The following PLEKHH2 variants were observed in gnomAD, a reference collection of about 807,000 sequenced individuals.
PLEKHH2 encodes pleckstrin homology domain-containing family H member 2.
Under a neutral mutation model 187.9 loss-of-function variants are expected in PLEKHH2, and 129 were observed. The ratio of observed to expected loss-of-function variants is 0.69; its 90% CI spans 0.59 to 0.79. The LOEUF (loss-of-function observed/expected upper bound fraction) is 0.79, where lower values mean the gene tolerates loss of function less well. Among genes scored for constraint, PLEKHH2 ranks in the 30% least tolerant of loss-of-function variants. The pLI is 0.00. For synonymous variants in PLEKHH2, 686 were observed against 605.6 expected (o/e 1.13, Z -1.95); for missense variants, 2,076 against 1,751.2 (o/e 1.19, Z -3.31).
intron 19 of PLEKHH2, among the ~76,000 whole-genome samples, chr2:43,738,116 T>C (rs547351507): frequency 6.6e-6 from 1 of 152,326 alleles, no homozygotes; most frequent in Non-Finnish European, 1.5e-5. Context: ...CCCTTTATCA[T>C]TATAAAATGA....
intron 19 of PLEKHH2, among the ~76,000 whole-genome samples, chr2:43,735,875 C>T (rs1572640425): frequency 6.6e-6 from 1 of 152,082 alleles, no homozygotes; most frequent in African/African-American, 2.4e-5. Context: ...ACAAATTTAA[C>T]ATTTATAGAA....
intron 3 of PLEKHH2, among the ~76,000 whole-genome samples, chr2:43,685,534 C>T (rs567364897): frequency 3.9e-5 from 6 of 152,180 alleles, no homozygotes; most frequent in African/African-American, 1.4e-4. Context: ...CTCAAGCAAT[C>T]CTCCCACCTC....
At chr2:43,702,527 C>CCTTTTTTTTTTTTTTTT (rs1348565050) in intron 8 of PLEKHH2, among the ~76,000 whole-genome samples, 1 of 57,418 alleles carries the variant, frequency 1.7e-5, no homozygotes, top group Admixed American at 1.8e-4. Flanking sequence ...CATTCTACTA[C>CCTTTTTTTTTTTTTTTT]TTTTTTTTTT....
At chr2:43,688,045 C>A (rs1668613894) in intron 3 of PLEKHH2, among the ~76,000 whole-genome samples, 1 of 152,190 alleles carries the variant, frequency 6.6e-6, no homozygotes, top group South Asian at 2.1e-4. Context: ...AAGCTGTCCT[C>A]CCTCCTCGGC....
chr2:43,669,886 T>C (rs1667414103), intron 2 of PLEKHH2, among the ~76,000 whole-genome samples: 1 of 151,978 alleles, frequency 6.6e-6, no homozygotes, highest in Non-Finnish European at 1.5e-5. Context: ...AAACAATGAC[T>C]AGTATTGAAG....
intron 2 of PLEKHH2, among the ~76,000 whole-genome samples, chr2:43,654,762 C>T (rs1328530744): frequency 6.7e-6 from 1 of 149,308 alleles, no homozygotes; most frequent in East Asian, 2.2e-4. Context: ...CGTGGTGGCT[C>T]ACGCCTGTAA....
chr2:43,642,014 T>C (rs779361513), intron 1 of PLEKHH2, among the ~76,000 whole-genome samples: 1 of 152,322 alleles, frequency 6.6e-6, no homozygotes, highest in East Asian at 1.9e-4. Context: ...CTGCAAAAAA[T>C]GCAGTTGCAA....
At chr2:43,655,453 G>T (rs1453302464) in intron 2 of PLEKHH2, among the ~76,000 whole-genome samples, 1 of 152,096 alleles carries the variant, frequency 6.6e-6, no homozygotes, top group African/African-American at 2.4e-5. Context: ...TAGAAACTAG[G>T]CATTTTCTGG....
intron 2 of PLEKHH2, among the ~76,000 whole-genome samples, chr2:43,646,866 T>C (rs1479198108): frequency 6.6e-6 from 1 of 151,622 alleles, no homozygotes; most frequent in Non-Finnish European, 1.5e-5. Flanking sequence ...ATAAATTCTT[T>C]GGCAGATCTA....
intron 2 of PLEKHH2, among the ~76,000 whole-genome samples, chr2:43,657,372 G>C (rs1282362582): frequency 6.6e-6 from 1 of 152,126 alleles, no homozygotes; most frequent in African/African-American, 2.4e-5. Flanking sequence ...GCCTCAGCTG[G>C]GAGTGGTGAA....
In PLEKHH2 at chr2:43,744,024, C is replaced by T. The variant is rs201338608; in HGVS notation, c.3555+35C>T. 116 of 1,596,448 alleles carry T rather than the reference C, an allele frequency of 7.3e-5. 1 individual carries two copies. Among genetic ancestry groups the T allele is most frequent in the Middle Eastern group, 1.7e-4 (1 of 6,004 alleles). On this transcript the variant is annotated intron_variant, in intron 23 of 29. Transcript: ENST00000282406. The stretch of plus-strand genomic sequence containing the variant: ...AGTCCTTTTCAGGAGCCAAGCCCAA[C>T]GAACAGCAAAGAAGCTACTCTTTAC...
chr2:43,678,895 T>A lies in PLEKHH2; in HGVS notation c.156T>A (p.Ala52=), dbSNP rs180672226. The A allele has an allele frequency of 2.1e-5, 34 of 1,608,460 alleles. No individual in the cohort carries two copies. Among genetic ancestry groups the A allele is most frequent in the Non-Finnish European group, 2.7e-5 (32 of 1,176,312 alleles). Residue 52 remains alanine (A), a synonymous_variant, in exon 3 of 30, where the codon GCT becomes GCA. Transcript: ENST00000282406. ...MQQLERQVID[A]ERQAEKAFQQ... is the part of the protein sequence containing the mutation. ...AGCTTGAGAGACAAGTTATTGATGC[T>A]GAACGTCAAGCAGAAAAAGCTTTTC...
intron 2 of PLEKHH2, among the ~76,000 whole-genome samples, chr2:43,676,840 A>C (rs1338643292): frequency 2.6e-5 from 4 of 152,080 alleles, no homozygotes; most frequent in Non-Finnish European, 5.9e-5. Context: ...AGAATGTAAA[A>C]CTACCCAGAG....
chr2:43,648,984 T>C (rs1466917605), intron 2 of PLEKHH2, among the ~76,000 whole-genome samples: 2 of 152,372 alleles, frequency 1.3e-5, no homozygotes, highest in Non-Finnish European at 1.5e-5. Context: ...ATTTCAATTA[T>C]ATATGCCCTA....
chr2:43,706,415 G>C lies in PLEKHH2; in HGVS notation c.1820G>C (p.Gly607Ala). ...MTTPVYTTLK[G>A]KATQISSSPF... The stretch of plus-strand genomic sequence containing the variant: ...ACCCCAGTGTATACAACTTTGAAGG[G>C]GGTAACTCATTATTGTTATTGTTAA... Residue 607 changes from glycine to alanine, a missense_variant and splice_region_variant, in exon 10 of 30, where the codon GGG becomes GCG. Gly to Ala is a moderately conservative substitution (Grantham distance 60). Coordinates refer to ENST00000282406, the MANE Select transcript of PLEKHH2 (RefSeq NM_172069.4). 6.4e-7 allele frequency: 1 copy of C among 1,560,074 alleles called. No individual in the cohort carries two copies. Among genetic ancestry groups the C allele is most frequent in the Non-Finnish European group, 8.8e-7 (1 of 1,135,664 alleles).
At chr2:43,751,639 G>A (rs575127697) in intron 24 of PLEKHH2, among the ~76,000 whole-genome samples, 2 of 152,264 alleles carry the variant, frequency 1.3e-5, no homozygotes, top group South Asian at 4.2e-4. Flanking sequence ...ATACCCCCGC[G>A]AGCTAATCTA....
In PLEKHH2 at chr2:43,666,044, T is replaced by C. The variant is rs1056669479; in HGVS notation, c.124-12819T>C. On this transcript the variant is annotated intron_variant, in intron 2 of 29. Transcript: ENST00000282406. Reference sequence around the variant, plus strand: ...GCTGCTTTGTTTACCTAAGCAAGCCTGGGCAATGGCGGGCTCCCCTCCCCC... The same window carrying C: ...GCTGCTTTGTTTACCTAAGCAAGCCCGGGCAATGGCGGGCTCCCCTCCCCC... Among the ~76,000 whole-genome samples the C allele has an allele frequency of 2.2e-4, 33 of 148,834 alleles. 1 individual carries two copies. The East Asian group carries it at 2.5e-3, about 11-fold the overall frequency.
At chr2:43,649,900 AT>A (rs2104344366) in intron 2 of PLEKHH2, among the ~76,000 whole-genome samples, 1 of 152,264 alleles carries the variant, frequency 6.6e-6, no homozygotes, top group South Asian at 2.1e-4. Context: ...AAACAAATTT[AT>A]TTGTATACAA....
intron 17 of PLEKHH2, among the ~76,000 whole-genome samples, chr2:43,728,619 T>A (rs1387158849): frequency 1.3e-5 from 2 of 148,240 alleles, no homozygotes; most frequent in African/African-American, 5.0e-5. Context: ...TGGAGTGCAG[T>A]GGCGTGATCT....
Sources: allele counts gnomAD v4.1 joint callset (sites outside exome capture counted in the v4.1 genomes callset), GRCh38; gene constraint gnomAD v4.1.1; transcripts MANE v1.5; gene names NCBI Gene and HGNC (gene_info 2026-07-23, HGNC 2026-07-21).